Variants in UBR1 observed in about 807,000 individuals in gnomAD.
UBR1 encodes the protein E3 ubiquitin-protein ligase UBR1.
Under a neutral mutation model 242.1 loss-of-function variants are expected in UBR1, and 102 were observed. The observed-to-expected ratio is 0.42, with a 90% confidence interval of 0.36 to 0.50. UBR1 has a LOEUF of 0.50. Among genes scored for constraint, UBR1 ranks in the 20% least tolerant of loss-of-function variants. UBR1 has a pLI of 0.01. For synonymous variants in UBR1, 675 were observed against 684.8 expected, an observed-to-expected ratio of 0.99 and a Z score of 0.22; for missense variants, 1,772 against 2,101.8, an observed-to-expected ratio of 0.84 and a Z score of 3.07.
intron 30 of UBR1, among the ~76,000 whole-genome samples, chr15:43,006,471 T>C (rs1016209357): frequency 2.0e-5 from 3 of 152,226 alleles, no homozygotes; most frequent in Non-Finnish European, 2.9e-5. Flanking sequence ...GGTTTCGCCA[T>C]GTTGCCTAGG....
chr15:42,991,254 C>A (rs1385114946), intron 33 of UBR1, among the ~76,000 whole-genome samples: 2 of 151,240 alleles, frequency 1.3e-5, no homozygotes, highest in African/African-American at 2.4e-5. Flanking sequence ...CCAGCCTGGG[C>A]GACAAAGCGA....
At chr15:43,024,767 C>A in intron 25 of UBR1, 62 bp downstream of exon 25, 2 of 1,610,408 alleles carry the variant, frequency 1.2e-6, no homozygotes, top group Non-Finnish European at 1.7e-6. Flanking sequence ...GACCTGAGAT[C>A]TTCCCTAGCT....
intron 15 of UBR1, among the ~76,000 whole-genome samples, chr15:43,041,270 A>C (rs1052887863): frequency 2.0e-5 from 3 of 152,240 alleles, no homozygotes; most frequent in African/African-American, 7.2e-5. Context: ...GCCATAAAAA[A>C]GGATGAGTTC....
At chr15:42,999,218 C>T (rs1286090680) in intron 32 of UBR1, among the ~76,000 whole-genome samples, 1 of 152,248 alleles carries the variant, frequency 6.6e-6, no homozygotes, top group East Asian at 1.9e-4. Context: ...GGATTACAGG[C>T]GTGGGCCACC....
intron 44 of UBR1, 55 bp downstream of exon 44, chr15:42,957,958 G>T (rs893081131): frequency 2.5e-5 from 36 of 1,437,140 alleles, no homozygotes; most frequent in Non-Finnish European, 3.4e-5. Flanking sequence ...TATACCAATT[G>T]CGAGTTCAGA....
rs552368176 is a variant in UBR1, at chr15:43,004,234, T to C, written c.3416-304A>G. Among the ~76,000 whole-genome samples, 9 of 152,342 alleles carry C rather than the reference T, an allele frequency of 5.9e-5. No homozygotes were observed. In the East Asian group the frequency reaches 1.7e-3, roughly 29 times the overall value. ...GTGATCTTCTATGTTTCCAAGATAA[T>C]TTACTTTTTTAATTTTAATAGTAAT... is the stretch of plus-strand genomic sequence containing the variant. On this transcript the variant is annotated intron_variant, in intron 30 of 46. Transcript: ENST00000290650.
At chr15:42,958,428 C>T (rs1444660943) in intron 43 of UBR1, among the ~76,000 whole-genome samples, 2 of 152,166 alleles carry the variant, frequency 1.3e-5, no homozygotes, top group Admixed American at 6.5e-5. Flanking sequence ...TTCTCTGACA[C>T]TTCACAAGTC....
At chr15:42,986,822 C>A (rs977131686) in intron 35 of UBR1, among the ~76,000 whole-genome samples, 4 of 152,212 alleles carry the variant, frequency 2.6e-5, no homozygotes, top group Non-Finnish European at 4.4e-5. Flanking sequence ...CACGGCAGTA[C>A]CCGGGGACCA....
chr15:42,995,661 C>T (rs1422721168), intron 33 of UBR1, among the ~76,000 whole-genome samples: 2 of 151,926 alleles, frequency 1.3e-5, no homozygotes, highest in Non-Finnish European at 2.9e-5. Flanking sequence ...GAGCGAGACT[C>T]CATCTCAAAA....
chr15:43,067,892 A>G lies in UBR1; in HGVS notation c.798+6T>C. 1.2e-6 allele frequency: 2 copies of G among 1,614,028 alleles called. No homozygotes were observed. The highest frequency in any genetic ancestry group is 2.2e-5 in the East Asian group (1 of 44,864). ...CAGAAACGCAATTCAAAAGGAGACCACAAACCTCTTTGTCAATGGCAGTGG... is the reference window on the plus strand; with the variant it reads ...CAGAAACGCAATTCAAAAGGAGACCGCAAACCTCTTTGTCAATGGCAGTGG... On this transcript the variant is annotated splice_donor_region_variant and intron_variant, in intron 6 of 46. Coordinates refer to ENST00000290650, the MANE Select transcript of UBR1 (RefSeq NM_174916.3).
chr15:42,948,446 TA>T (rs1198861242), intron 46 of UBR1, among the ~76,000 whole-genome samples: 1 of 152,092 alleles, frequency 6.6e-6, no homozygotes, highest in Non-Finnish European at 1.5e-5. Flanking sequence ...CTAATTAAAC[TA>T]AAGAGCTTCT....
At chr15:43,018,398 A>C (rs1024667410) in intron 27 of UBR1, among the ~76,000 whole-genome samples, 5 of 151,932 alleles carry the variant, frequency 3.3e-5, no homozygotes, top group African/African-American at 1.2e-4. Context: ...TAATTCATTA[A>C]TTCATTCATT....
chr15:42,945,886 T>G (rs1281443037), intron 46 of UBR1, among the ~76,000 whole-genome samples: 1 of 152,184 alleles, frequency 6.6e-6, no homozygotes, highest in Non-Finnish European at 1.5e-5. Context: ...TAAAATTATA[T>G]TTTGCTACTC....
Position 43,027,835 on chromosome 15 carries a change from A to G in UBR1, c.2380-7T>C. 6.2e-7 allele frequency: 1 copy of G among 1,611,838 alleles called. No individual in the cohort carries two copies. The highest frequency in any genetic ancestry group is 8.5e-7 in the Non-Finnish European group (1 of 1,179,050). On this transcript the variant is annotated splice_region_variant and splice_polypyrimidine_tract_variant and intron_variant, in intron 21 of 46. Transcript: ENST00000290650. Reference sequence around the variant, plus strand: ...AGCCAGTTTCATTATTTTCCTGTTGAAACAATATTTTTGTCATTTTTACCT... The same window carrying G: ...AGCCAGTTTCATTATTTTCCTGTTGGAACAATATTTTTGTCATTTTTACCT...
At chr15:43,012,283 T>G (rs1004383987) in intron 29 of UBR1, among the ~76,000 whole-genome samples, 5 of 151,006 alleles carry the variant, frequency 3.3e-5, no homozygotes, top group African/African-American at 1.2e-4. Flanking sequence ...ATCAAAAGAT[T>G]CCTAAGACAC....
At chr15:43,075,726 C>A (rs1327041482) in intron 3 of UBR1, among the ~76,000 whole-genome samples, 1 of 151,798 alleles carries the variant, frequency 6.6e-6, no homozygotes, top group Non-Finnish European at 1.5e-5. Flanking sequence ...AGCGATTCTC[C>A]TGCCTCAGCC....
chr15:42,943,351 A>G lies in UBR1; in HGVS notation c.*1978T>C, dbSNP rs1202387723. ...AACTTCATAAGCATAATTGTTTGCAATGATTAAGGTAAATCACTAGGACAT... is the reference window on the plus strand; with the variant it reads ...AACTTCATAAGCATAATTGTTTGCAGTGATTAAGGTAAATCACTAGGACAT... On this transcript the variant is annotated 3_prime_UTR_variant, in exon 47 of 47. Coordinates refer to ENST00000290650, the MANE Select transcript of UBR1 (RefSeq NM_174916.3). The G allele has an allele frequency of 6.6e-6, 1 of 152,642 alleles. No homozygotes were observed. The highest frequency in any genetic ancestry group is 1.5e-5 in the Non-Finnish European group (1 of 68,046). 9.5% of individuals were successfully genotyped at this position (152,642 alleles called of 1,614,324 possible). A position where few individuals can be genotyped will look rare whatever the true frequency, so the allele number is the denominator to read the frequency against.
In UBR1 at chr15:43,054,780, G is replaced by A. The variant is rs756660723; in HGVS notation, c.1401C>T (p.Asp467=). Residue 467 remains aspartate (D), a synonymous_variant, in exon 12 of 47, where the codon GAC becomes GAT. Transcript: ENST00000290650. ...TTACTGCATATACTCTTCCCAATTT[G>A]TCCTGGCTATAACCCTGGAAGTTGA... is the stretch of plus-strand genomic sequence containing the variant. ...NKFNFQGYSQ[D]KLGRVYAVIC... is the part of the protein sequence containing the mutation. 2.4e-5 allele frequency: 39 copies of A among 1,613,940 alleles called. No homozygotes were observed. Among genetic ancestry groups the A allele is most frequent in the Non-Finnish European group, 3.1e-5 (37 of 1,180,022 alleles).
rs536295773 is a variant in UBR1 at position 43,068,043 on chromosome 15, G to GA, written c.660-8dup. On this transcript the variant is annotated splice_polypyrimidine_tract_variant and splice_region_variant and intron_variant, in intron 5 of 46. Coordinates refer to ENST00000290650, the MANE Select transcript of UBR1 (RefSeq NM_174916.3). ...GTATCTTTCATTTTTCTCCCTGTTA[G>GA]AAAAAAAACATATATATTTGGATAC... is the stretch of plus-strand genomic sequence containing the variant. 3,604 of 1,206,352 alleles carry GA rather than the reference G, an allele frequency of 3.0e-3. 62 individuals carry two copies. In the South Asian group the frequency reaches 0.033, roughly 11 times the overall value. 74.7% of individuals were successfully genotyped at this position (1,206,352 alleles called of 1,614,324 possible).
Sources: allele counts gnomAD v4.1 joint callset (sites outside exome capture counted in the v4.1 genomes callset), GRCh38; gene constraint gnomAD v4.1.1; transcripts MANE v1.5; gene names NCBI Gene and HGNC (gene_info 2026-07-23, HGNC 2026-07-21).